PAQR8: variants seen among roughly 807,000 people sequenced by gnomAD.
PAQR8 encodes the protein membrane progestin receptor beta.
Under a neutral mutation model 25.2 loss-of-function variants are expected in PAQR8, and 17 were observed. That is an observed-to-expected ratio of 0.67 (90% CI 0.46 to 1.01). The LOEUF (loss-of-function observed/expected upper bound fraction) is 1.01. PAQR8 is among the 50% of genes least tolerant of loss of function. The pLI, the probability that PAQR8 is intolerant of heterozygous loss-of-function variation, is 0.00. For synonymous variants in PAQR8, 204 were observed against 190.6 expected, an observed-to-expected ratio of 1.07 and a Z score of -0.58; for missense variants, 392 against 448.4, an observed-to-expected ratio of 0.87 and a Z score of 1.14.
intron 1 of PAQR8, among the ~76,000 whole-genome samples, chr6:52,394,649 A>G (rs1763745992): frequency 6.6e-6 from 1 of 152,144 alleles, no homozygotes; most frequent in African/African-American, 2.4e-5. Flanking sequence ...GACTTTCCCC[A>G]CCTGTAGGCT....
chr6:52,381,937 G>A (rs1763565701), intron 1 of PAQR8, among the ~76,000 whole-genome samples: 1 of 152,158 alleles, frequency 6.6e-6, no homozygotes, highest in Non-Finnish European at 1.5e-5. Context: ...GCCATTAGGT[G>A]TATATTATTG....
intron 1 of PAQR8, among the ~76,000 whole-genome samples, chr6:52,364,536 G>A (rs182384724): frequency 6.6e-6 from 1 of 152,316 alleles, no homozygotes; most frequent in East Asian, 1.9e-4. Context: ...TTGGCAAGCT[G>A]TGTACTAATT....
intron 1 of PAQR8, among the ~76,000 whole-genome samples, chr6:52,398,924 A>C (rs967459808): frequency 7.2e-5 from 11 of 152,096 alleles, no homozygotes; most frequent in African/African-American, 2.7e-4. Flanking sequence ...AGAGGTAAGG[A>C]ATCATATTCT....
rs2113952989 is a variant in PAQR8 at position 52,403,170 on chromosome 6, C to A, written c.-44C>A. ...TCCTTTCTTTTCTGCAGGTTGCATACCCTGTCCTGAGGGCGCGGCACGGAG... is the reference window on the plus strand; with the variant it reads ...TCCTTTCTTTTCTGCAGGTTGCATAACCTGTCCTGAGGGCGCGGCACGGAG... On this transcript the variant is annotated 5_prime_UTR_variant, in exon 2 of 2. Coordinates refer to ENST00000442253, the MANE Select transcript of PAQR8 (RefSeq NM_133367.5). 1.3e-6 allele frequency: 2 copies of A among 1,539,364 alleles called. No individual in the cohort carries two copies. The highest frequency in any genetic ancestry group is 1.8e-6 in the Non-Finnish European group (2 of 1,136,148).
At chr6:52,402,701 A>G (rs537693312) in intron 1 of PAQR8, among the ~76,000 whole-genome samples, 2 of 152,182 alleles carry the variant, frequency 1.3e-5, no homozygotes, top group African/African-American at 4.8e-5. Context: ...TATTCTACAG[A>G]TGAATTAAAG....
chr6:52,364,082 T>C (rs912297132), intron 1 of PAQR8, among the ~76,000 whole-genome samples: 1 of 121,710 alleles, frequency 8.2e-6, no homozygotes, highest in South Asian at 2.9e-4. Flanking sequence ...TTGAAAGATA[T>C]GTTTTTTTTT....
intron 1 of PAQR8, among the ~76,000 whole-genome samples, chr6:52,368,636 A>C (rs957681237): frequency 5.3e-5 from 8 of 152,220 alleles, no homozygotes; most frequent in Admixed American, 3.9e-4. Flanking sequence ...TTTAATTAAT[A>C]CTGATAAATT....
At chr6:52,383,583 T>C (rs946487033) in intron 1 of PAQR8, among the ~76,000 whole-genome samples, 11 of 143,510 alleles carry the variant, frequency 7.7e-5, no homozygotes, top group East Asian at 2.1e-4. Context: ...ATGGCGTGAA[T>C]CCGGGAGGCG....
rs186101109 is a variant in PAQR8, at chr6:52,403,202, C to A, written c.-12C>A. The A allele has an allele frequency of 6.3e-7, 1 of 1,585,632 alleles. No individual in the cohort carries two copies. The highest frequency in any genetic ancestry group is 8.6e-7 in the Non-Finnish European group (1 of 1,161,746). On this transcript the variant is annotated 5_prime_UTR_variant, in exon 2 of 2. Coordinates refer to ENST00000442253, the MANE Select transcript of PAQR8 (RefSeq NM_133367.5). ...CTGAGGGCGCGGCACGGAGTGCATG[C>A]GGGCCGCTGCCATGACGACCGCCAT...
intron 1 of PAQR8, among the ~76,000 whole-genome samples, chr6:52,398,119 T>C (rs761787024): frequency 6.6e-6 from 1 of 151,674 alleles, no homozygotes; most frequent in Non-Finnish European, 1.5e-5. Context: ...GAGGAAGAGG[T>C]GGTTGCTAAG....
intron 1 of PAQR8, among the ~76,000 whole-genome samples, chr6:52,377,355 T>G (rs1763497066): frequency 6.6e-6 from 1 of 152,200 alleles, no homozygotes; most frequent in South Asian, 2.1e-4. Context: ...ATTCATTTAA[T>G]CTGATGGGAC....
intron 1 of PAQR8, among the ~76,000 whole-genome samples, chr6:52,380,518 CT>C (rs1403506969): frequency 7.9e-5 from 12 of 152,174 alleles, no homozygotes; most frequent in African/African-American, 2.7e-4. Flanking sequence ...TATATGTGGC[CT>C]TTTCTAAAAT....
Position 52,406,376 on chromosome 6 carries a change from C to A in PAQR8, c.*2098C>A. ...GTATTGTGGGCAGAGATCTTTAGTT[C>A]AAATCCACGTATTTTTTAAAAGAGA... On this transcript the variant is annotated 3_prime_UTR_variant, in exon 2 of 2. Transcript: ENST00000442253. 1 of 411,946 alleles carries A rather than the reference C, an allele frequency of 2.4e-6. No homozygotes were observed. The allele number at this position is 411,946 out of a possible 1,614,324, so 25.5% of individuals were successfully genotyped here. A position where few individuals can be genotyped will look rare whatever the true frequency, so the allele number is the denominator to read the frequency against.
At chr6:52,381,848 C>A (rs1396464045) in intron 1 of PAQR8, among the ~76,000 whole-genome samples, 1 of 152,100 alleles carries the variant, frequency 6.6e-6, no homozygotes, top group Non-Finnish European at 1.5e-5. Context: ...TCAGGGTATA[C>A]CCTAAACATT....
chr6:52,379,863 G>A (rs1222785299), intron 1 of PAQR8, among the ~76,000 whole-genome samples: 4 of 152,046 alleles, frequency 2.6e-5, no homozygotes, highest in Non-Finnish European at 4.4e-5. Context: ...TGCTGACCTC[G>A]TGATCCGCCT....
rs760174888 is a variant in PAQR8 at position 52,404,292 on chromosome 6, G to A, written c.*14G>A. ...AAAGATTCCTGAGGCTGGCAAGTGG[G>A]GCAACGTGTGGAGGAAGCCCCTCAT... On this transcript the variant is annotated 3_prime_UTR_variant, in exon 2 of 2. Coordinates refer to ENST00000442253, the MANE Select transcript of PAQR8 (RefSeq NM_133367.5). 1 of 1,563,946 alleles carries A rather than the reference G, an allele frequency of 6.4e-7. No individual in the cohort carries two copies.
chr6:52,395,590 T>C (rs180751615), intron 1 of PAQR8, among the ~76,000 whole-genome samples: 1 of 152,320 alleles, frequency 6.6e-6, no homozygotes, highest in Non-Finnish European at 1.5e-5. Flanking sequence ...CCAGGAGTGT[T>C]ACAAAACAAA....
At chr6:52,381,256 C>G (rs1763556221) in intron 1 of PAQR8, among the ~76,000 whole-genome samples, 1 of 152,182 alleles carries the variant, frequency 6.6e-6, no homozygotes, top group African/African-American at 2.4e-5. Context: ...GAAGAGGAAA[C>G]GGATTCTCTC....
chr6:52,388,920 G>A (rs1763664704), intron 1 of PAQR8, among the ~76,000 whole-genome samples: 1 of 152,196 alleles, frequency 6.6e-6, no homozygotes, highest in Admixed American at 6.5e-5. Context: ...GCGATGTCAA[G>A]TGTGTGGCTT....
Sources: gnomAD v4.1 joint callset for allele counts (sites outside exome capture counted in the v4.1 genomes callset) on GRCh38, gnomAD v4.1.1 for gene constraint, MANE v1.5 for transcripts, NCBI Gene and HGNC (gene_info 2026-07-23, HGNC 2026-07-21) for gene names.